The following HACD3 variants were observed in gnomAD, a reference collection of about 807,000 sequenced individuals.
The protein encoded by HACD3 is very-long-chain (3R)-3-hydroxyacyl-CoA dehydratase 3.
Under a neutral mutation model 55.2 loss-of-function variants are expected in HACD3, and 30 were observed. The ratio of observed to expected loss-of-function variants is 0.54; its 90% confidence interval spans 0.41 to 0.74. The LOEUF is 0.74. HACD3 is among the 30% of genes least tolerant of loss of function. The pLI is 0.00. For synonymous variants in HACD3, 141 were observed against 151.7 expected (o/e 0.93, Z 0.52); for missense variants, 363 against 440.1 (o/e 0.82, Z 1.57).
At chr15:65,553,917 T>C (rs1447852139) in intron 2 of HACD3, among the ~76,000 whole-genome samples, 1 of 152,124 alleles carries the variant, frequency 6.6e-6, no homozygotes, top group African/African-American at 2.4e-5. Context: ...CCAGCTAGAA[T>C]TGGGGAAAGG....
At chr15:65,569,815 G>GT (rs1374922153) in intron 7 of HACD3, among the ~76,000 whole-genome samples, 1 of 152,172 alleles carries the variant, frequency 6.6e-6, no homozygotes, top group African/African-American at 2.4e-5. Context: ...AAACTCAAAT[G>GT]TTTATTTGGC....
rs1263630615 is a variant in HACD3, at chr15:65,572,096, T to C, written c.881-139T>C. ...AAGTAGGGGAAAAAAAGGAGAGGCA[T>C]GAGCTTTCTGTACAAAGGGAGGAGA... On this transcript the variant is annotated intron_variant, in intron 9 of 10. Transcript: ENST00000261875. 5.5e-6 allele frequency: 6 copies of C among 1,083,910 alleles called. No individual in the cohort carries two copies. In the Admixed American group the frequency reaches 1.6e-4, roughly 28 times the overall value. 67.1% of individuals were successfully genotyped at this position (1,083,910 alleles called of 1,614,324 possible). A position where few individuals can be genotyped will look rare whatever the true frequency, so the allele number is the denominator to read the frequency against.
Position 65,543,478 on chromosome 15 carries a change from G to A in HACD3, c.88-8198G>A, listed in dbSNP as rs542457577. 1.5e-4 allele frequency among the ~76,000 whole-genome samples: 23 copies of A among 152,186 alleles called. No homozygotes were observed. In the South Asian group the frequency reaches 2.5e-3, roughly 16 times the overall value. Reference sequence around the variant, plus strand: ...TTTGGGATAAAACAAATATATAAATGTACTAATGTTATTAGGAAGCTTTTC... The same window carrying A: ...TTTGGGATAAAACAAATATATAAATATACTAATGTTATTAGGAAGCTTTTC... On this transcript the variant is annotated intron_variant, in intron 1 of 10. Transcript: ENST00000261875.
Position 65,530,767 on chromosome 15 carries a change from G to T in HACD3, c.87+49G>T, listed in dbSNP as rs747874412. ...GAAGCGCGCGGGATCGCGGCTCCGG[G>T]TACCCGCCAGGACCCCTGCCCCCTT... On this transcript the variant is annotated intron_variant, in intron 1 of 10. Coordinates refer to ENST00000261875, the MANE Select transcript of HACD3 (RefSeq NM_016395.4). 198 of 1,496,128 alleles carry T rather than the reference G, an allele frequency of 1.3e-4. 4 individuals are homozygous for T. In the African/African-American group the frequency reaches 2.4e-3, roughly 18 times the overall value. The allele number at this position is 1,496,128 out of a possible 1,614,324, so 92.7% of individuals were successfully genotyped here.
intron 1 of HACD3, among the ~76,000 whole-genome samples, chr15:65,536,453 T>C (rs970373529): frequency 1.3e-5 from 2 of 152,166 alleles, no homozygotes; most frequent in African/African-American, 4.8e-5. Flanking sequence ...ATATTGAAAT[T>C]AAGCCAGTTA....
At chr15:65,558,070 G>C (rs2072211630) in intron 4 of HACD3, among the ~76,000 whole-genome samples, 1 of 151,870 alleles carries the variant, frequency 6.6e-6, no homozygotes, top group Non-Finnish European at 1.5e-5. Flanking sequence ...TCTTATTGTG[G>C]AATAGCATTG....
chr15:65,572,439 G>A (rs1698520772), intron 10 of HACD3, 73 bp downstream of exon 10: 1 of 1,412,162 alleles, frequency 7.1e-7, no homozygotes, highest in Admixed American at 2.9e-5. Flanking sequence ...ATTCAGAAAT[G>A]TAAAAGTCCA....
chr15:65,550,012 C>T (rs1015165224), intron 1 of HACD3, among the ~76,000 whole-genome samples: 2 of 152,190 alleles, frequency 1.3e-5, no homozygotes, highest in Non-Finnish European at 2.9e-5. Context: ...GACTTTTAGG[C>T]ACAAGTGTAT....
Position 65,562,853 on chromosome 15 carries a change from C to T in HACD3, c.501C>T (p.Asn167=). 6.2e-7 allele frequency: 1 copy of T among 1,613,884 alleles called. No homozygotes were observed. ...TGGGATTCTCCTGGATCTTTGTCAACCTGACTGTGCGATTCTGTATCTTGG... is the reference window on the plus strand; with the variant it reads ...TGGGATTCTCCTGGATCTTTGTCAATCTGACTGTGCGATTCTGTATCTTGG... ...QFLGFSWIFV[N]LTVRFCILGK... is the part of the protein sequence containing the mutation. The change falls in exon 6 of 11, where the codon AAC becomes AAT. Residue 167 remains asparagine, a synonymous_variant. Transcript: ENST00000261875.
intron 3 of HACD3, among the ~76,000 whole-genome samples, chr15:65,555,310 TGAGAACAGA>T (rs2072178549): frequency 6.6e-6 from 1 of 152,218 alleles, no homozygotes; most frequent in African/African-American, 2.4e-5. Flanking sequence ...TGGCACCCAT[TGAGAACAGA>T]GTTACATAGA....
chr15:65,560,044 G>GT (rs1466666229), intron 5 of HACD3, among the ~76,000 whole-genome samples: 7 of 150,516 alleles, frequency 4.7e-5, no homozygotes, highest in African/African-American at 1.7e-4. Context: ...ATAAGGCTGT[G>GT]TTGTTTTTTT....
intron 2 of HACD3, among the ~76,000 whole-genome samples, 157 bp from the exon 3 acceptor site, chr15:65,554,730 A>G (rs943727099): frequency 6.6e-6 from 1 of 152,082 alleles, no homozygotes; most frequent in Admixed American, 6.5e-5. Context: ...AGCCGAGATC[A>G]TGCCACTGCA....
At chr15:65,540,505 A>C (rs994265352) in intron 1 of HACD3, among the ~76,000 whole-genome samples, 1 of 152,236 alleles carries the variant, frequency 6.6e-6, no homozygotes, top group Non-Finnish European at 1.5e-5. Context: ...TTGAAAGTTA[A>C]AACAAATGGT....
chr15:65,535,490 T>C (rs560350874), intron 1 of HACD3, among the ~76,000 whole-genome samples: 1 of 152,348 alleles, frequency 6.6e-6, no homozygotes, highest in East Asian at 1.9e-4. Context: ...CTTGTTTTAT[T>C]GTGCTTTGCT....
intron 8 of HACD3, among the ~76,000 whole-genome samples, chr15:65,570,522 G>C (rs2072337644): frequency 6.6e-6 from 1 of 152,182 alleles, no homozygotes; most frequent in South Asian, 2.1e-4. Context: ...ATTCTTGAAA[G>C]GGCTGAAGAA....
At chr15:65,570,319 T>C in intron 8 of HACD3, 116 bp downstream of exon 8, 4 of 743,656 alleles carry the variant, frequency 5.4e-6, no homozygotes, top group Non-Finnish European at 8.7e-6. Flanking sequence ...TAAGATTACA[T>C]ATGTGGAGAA....
intron 5 of HACD3, 121 bp from the exon 6 acceptor site, chr15:65,562,653 G>T (rs1327406214): frequency 2.2e-6 from 3 of 1,342,034 alleles, no homozygotes; most frequent in Admixed American, 5.0e-5. Flanking sequence ...AGGTATTTGT[G>T]TGGGAGCTTA....
At chr15:65,573,326 G>A (rs2072369861) in intron 10 of HACD3, among the ~76,000 whole-genome samples, 1 of 152,024 alleles carries the variant, frequency 6.6e-6, no homozygotes, top group Non-Finnish European at 1.5e-5. Context: ...TCTTATTAGA[G>A]GCCAGGTATG....
At position 65,563,014 on chromosome 15, in the gene HACD3, T is replaced by C. The variant is rs1050954562; in HGVS notation, c.532+130T>C. ...TTTGTGCAGCACCCTCTACTTTTCG[T>C]TGTGCTTTCATAGCTCTTATTTCCC... is the stretch of plus-strand genomic sequence containing the variant. On this transcript the variant is annotated intron_variant, in intron 6 of 10. Coordinates refer to ENST00000261875, the MANE Select transcript of HACD3 (RefSeq NM_016395.4). The C allele has an allele frequency of 1.3e-5, 18 of 1,387,964 alleles. No homozygotes were observed. In the African/African-American group the frequency reaches 2.5e-4, roughly 19 times the overall value. The allele number at this position is 1,387,964 out of a possible 1,614,324, so 86.0% of individuals were successfully genotyped here.
Sources: allele counts gnomAD v4.1 joint callset (sites outside exome capture counted in the v4.1 genomes callset), GRCh38; gene constraint gnomAD v4.1.1; transcripts MANE v1.5; gene names NCBI Gene and HGNC (gene_info 2026-07-23, HGNC 2026-07-21).